The following FYB1 variants were observed in gnomAD, a reference collection of about 807,000 sequenced individuals.
The protein encoded by FYB1 is FYN-binding protein 1.
Under a neutral mutation model 94.1 loss-of-function variants are expected in FYB1, and 41 were observed. That is an observed-to-expected ratio of 0.44 (90% confidence interval 0.34 to 0.57). The LOEUF is 0.57. FYB1 is among the 20% of genes least tolerant of loss of function. FYB1 has a pLI of 0.02. For missense variants in FYB1, 1,050 were observed against 976.8 expected (o/e 1.07, Z -1.00); for synonymous variants, 367 against 353.2 (o/e 1.04, Z -0.44).
chr5:39,139,250 C>A lies in FYB1; in HGVS notation c.1342G>T (p.Ala448Ser), dbSNP rs960548060. The change falls in exon 5 of 19, where the codon GCT becomes TCT. Residue 448 changes from alanine to serine, a missense_variant and splice_region_variant. Coordinates refer to ENST00000512982, the MANE Select transcript of FYB1 (RefSeq NM_001465.6). Reference protein sequence around the residue: ...NQDGVTHSDGAGNLDEEQDSE... With the variant: ...NQDGVTHSDGSGNLDEEQDSE... ...AATCTGACCTCATCTAGATTTCCAG[C>A]ACCTAAAAGATTAAAAAAATAAAAT... 4.8e-6 allele frequency: 7 copies of A among 1,456,016 alleles called. No homozygotes were observed. Among genetic ancestry groups the A allele is most frequent in the Non-Finnish European group, 6.5e-6 (7 of 1,077,694 alleles). The allele number at this position is 1,456,016 out of a possible 1,614,324, so 90.2% of individuals were successfully genotyped here.
chr5:39,128,868 A>G (rs1740919285), intron 10 of FYB1, among the ~76,000 whole-genome samples: 1 of 152,162 alleles, frequency 6.6e-6, no homozygotes, highest in African/African-American at 2.4e-5. Flanking sequence ...CTCACATATT[A>G]GAATAATTAA....
chr5:39,222,122 A>C (rs1750293687), upstream of FYB1, among the ~76,000 whole-genome samples: 1 of 152,150 alleles, frequency 6.6e-6, no homozygotes, highest in Admixed American at 6.5e-5. Flanking sequence ...CTCCTTTTTC[A>C]CCTGGCTAAC....
At chr5:39,249,689 T>C (rs959106959) in intron 1 of FYB1, among the ~76,000 whole-genome samples, 1 of 152,146 alleles carries the variant, frequency 6.6e-6, no homozygotes, top group African/African-American at 2.4e-5. Context: ...TATGTGTTTG[T>C]AAGTTTGGTG....
intron 1 of FYB1, among the ~76,000 whole-genome samples, chr5:39,261,305 T>TA (rs34116289): frequency 0.017 from 2,041 of 122,104 alleles, 62 homozygotes; most frequent in East Asian, 0.077. Context: ...AAAGTAGAAT[T>TA]AAAAAAAAAA....
At chr5:39,189,201 T>A (rs1747134999) in intron 2 of FYB1, among the ~76,000 whole-genome samples, 2 of 150,586 alleles carry the variant, frequency 1.3e-5, no homozygotes, top group African/African-American at 4.9e-5. Context: ...TTTCAAATCC[T>A]AGGTCTGGCA....
intron 1 of FYB1, among the ~76,000 whole-genome samples, chr5:39,258,735 A>G (rs1168698024): frequency 6.6e-6 from 1 of 152,198 alleles, no homozygotes; most frequent in Non-Finnish European, 1.5e-5. Flanking sequence ...TGGCTCTCTC[A>G]CTGACTTAGC....
intron 1 of FYB1, among the ~76,000 whole-genome samples, chr5:39,206,061 G>A (rs1579675200): frequency 1.3e-5 from 2 of 152,094 alleles, no homozygotes; most frequent in South Asian, 2.1e-4. Context: ...TGTTATGTCC[G>A]AATTTTAAAT....
At chr5:39,151,641 CTTTG>C (rs1473844019) in intron 3 of FYB1, among the ~76,000 whole-genome samples, 2 of 152,084 alleles carry the variant, frequency 1.3e-5, no homozygotes, top group African/African-American at 2.4e-5. Flanking sequence ...TTGCAGGGGT[CTTTG>C]TTTGTTTACT....
intron 3 of FYB1, among the ~76,000 whole-genome samples, chr5:39,142,715 T>A (rs186042811): frequency 1.8e-3 from 268 of 152,252 alleles, no homozygotes; most frequent in Non-Finnish European, 3.2e-3. Context: ...TGACTCTACT[T>A]CCTCTTCTCT....
chr5:39,157,766 A>C (rs905266852), intron 2 of FYB1, among the ~76,000 whole-genome samples: 3 of 152,190 alleles, frequency 2.0e-5, no homozygotes, highest in African/African-American at 7.2e-5. Context: ...TGGAACTGAA[A>C]AGACCATGTA....
chr5:39,108,808 A>G (rs1738782552), intron 17 of FYB1, among the ~76,000 whole-genome samples: 1 of 152,078 alleles, frequency 6.6e-6, no homozygotes. Context: ...GTAATTTTAA[A>G]ACTATTACTT....
intron 2 of FYB1, among the ~76,000 whole-genome samples, chr5:39,155,699 T>G (rs1182413056): frequency 6.6e-6 from 1 of 152,188 alleles, no homozygotes; most frequent in African/African-American, 2.4e-5. Flanking sequence ...TTGTTTTTTG[T>G]TTTTTAAATT....
intron 1 of FYB1, among the ~76,000 whole-genome samples, chr5:39,236,087 C>T (rs980446340): frequency 2.6e-5 from 4 of 151,994 alleles, no homozygotes; most frequent in East Asian, 3.9e-4. Flanking sequence ...CTAAACCTCT[C>T]AGATACTAGA....
rs774326170 is a variant in FYB1 at position 39,134,290 on chromosome 5, C to A, written c.1735G>T (p.Asp579Tyr). Residue 579 changes from aspartate (D) to tyrosine (Y), a missense_variant, in exon 9 of 19, where the codon GAC becomes TAC. By Grantham distance (160) the Asp-to-Tyr change is radical. Coordinates refer to ENST00000512982, the MANE Select transcript of FYB1 (RefSeq NM_001465.6). Reference protein sequence around the residue: ...IDYDSLKLKKDSLGAPSRPIE... With the variant: ...IDYDSLKLKKYSLGAPSRPIE... ...GGTCTTGAAGGGGCACCAAGAGAGT[C>A]TTTTTTCAGTTTCAAAGAATCATAG... 1.2e-6 allele frequency: 2 copies of A among 1,611,326 alleles called. No homozygotes were observed. Among genetic ancestry groups the A allele is most frequent in the South Asian group, 1.1e-5 (1 of 91,012 alleles).
chr5:39,202,404 T>A lies in FYB1; in HGVS notation c.557A>T (p.Asp186Val). ...VKGKFMSASQ[D>V]LEPKPLFPKP... ...GGGGAAGAGGGGCTTGGGTTCAAGA[T>A]CTTGTGATGCTGACATAAATTTCCC... The change falls in exon 2 of 19, where the codon GAT becomes GTT. Residue 186 changes from aspartate (D) to valine (V), a missense_variant. Coordinates refer to ENST00000512982, the MANE Select transcript of FYB1 (RefSeq NM_001465.6). The A allele has an allele frequency of 6.2e-7, 1 of 1,613,882 alleles. No individual in the cohort carries two copies. The highest frequency in any genetic ancestry group is 8.5e-7 in the Non-Finnish European group (1 of 1,179,864).
At chr5:39,140,794 C>A (rs931294993) in intron 4 of FYB1, among the ~76,000 whole-genome samples, 3 of 151,960 alleles carry the variant, frequency 2.0e-5, no homozygotes, top group Admixed American at 2.0e-4. Context: ...TACAAAAAGA[C>A]GAGAGAAACC....
intron 1 of FYB1, among the ~76,000 whole-genome samples, chr5:39,265,657 C>T (rs573762438): frequency 6.6e-6 from 1 of 152,134 alleles, no homozygotes; most frequent in East Asian, 1.9e-4. Context: ...AACTCTGTCT[C>T]AAAAATAAAT....
At chr5:39,205,025 A>C (rs771572684) in intron 1 of FYB1, among the ~76,000 whole-genome samples, 2 of 152,168 alleles carry the variant, frequency 1.3e-5, no homozygotes, top group Non-Finnish European at 2.9e-5. Flanking sequence ...GGGAGGGAAT[A>C]GGAGAGAATG....
At chr5:39,212,361 G>A (rs1342404747) in intron 1 of FYB1, among the ~76,000 whole-genome samples, 3 of 152,238 alleles carry the variant, frequency 2.0e-5, no homozygotes, top group African/African-American at 2.4e-5. Context: ...TCTAGTCAAT[G>A]AGAGATCCAG....
Sources: gnomAD v4.1 joint callset for allele counts (sites outside exome capture counted in the v4.1 genomes callset) on GRCh38, gnomAD v4.1.1 for gene constraint, MANE v1.5 for transcripts, NCBI Gene and HGNC (gene_info 2026-07-23, HGNC 2026-07-21) for gene names.